IGFBP7: variants seen among roughly 807,000 people sequenced by gnomAD.
IGFBP7 encodes insulin-like growth factor-binding protein 7.
IGFBP7 carries 31 observed loss-of-function variants against 29.4 expected under a neutral mutation model. The observed-to-expected ratio is 1.05, with a 90% confidence interval of 0.79 to 1.42. IGFBP7 has a LOEUF of 1.42. Ranked by LOEUF, IGFBP7 falls within the 40% of genes most tolerant of loss-of-function variation. The pLI is 0.00. For synonymous variants in IGFBP7, 172 were observed against 174.9 expected (o/e 0.98, Z 0.13); for missense variants, 393 against 395.5 (o/e 0.99, Z 0.05).
intron 1 of IGFBP7, among the ~76,000 whole-genome samples, chr4:57,094,367 G>A (rs1302888210): frequency 6.6e-6 from 1 of 152,174 alleles, no homozygotes; most frequent in Non-Finnish European, 1.5e-5. Context: ...GTGGTTGTGG[G>A]GAGGGTGTGG....
At chr4:57,056,273 C>T (rs1724670665) in intron 1 of IGFBP7, among the ~76,000 whole-genome samples, 3 of 152,268 alleles carry the variant, frequency 2.0e-5, no homozygotes, top group South Asian at 4.1e-4. Flanking sequence ...AGCAGGATTT[C>T]GTGTTTCTTC....
rs1469692412 is a variant in IGFBP7 at position 57,031,164 on chromosome 4, G to A, written c.*153C>T. ...ATAAATTTTTGTAGATAGTCTTGAT[G>A]TGTGATCTTTATTTTGTATTTCTCT... On this transcript the variant is annotated 3_prime_UTR_variant, in exon 5 of 5. Transcript: ENST00000295666. The A allele has an allele frequency of 2.6e-6, 2 of 759,902 alleles. No individual in the cohort carries two copies. Among genetic ancestry groups the A allele is most frequent in the South Asian group, 1.6e-5 (1 of 61,832 alleles). 47.1% of individuals were successfully genotyped at this position (759,902 alleles called of 1,614,324 possible).
rs575900565 is a variant in IGFBP7 at position 57,051,715 on chromosome 4, C to T, written c.476-10782G>A. Among the ~76,000 whole-genome samples the T allele has an allele frequency of 6.6e-5, 10 of 152,308 alleles. No individual in the cohort carries two copies. The South Asian group carries it at 1.7e-3, about 25-fold the overall frequency. ...GCTCTACCACTCCTGAGTTATGCAACATTGCACAAGTTATTTCACTTCCCC... is the reference window on the plus strand; with the variant it reads ...GCTCTACCACTCCTGAGTTATGCAATATTGCACAAGTTATTTCACTTCCCC... On this transcript the variant is annotated intron_variant, in intron 1 of 4. Transcript: ENST00000295666.
chr4:57,031,305 T>C lies in IGFBP7; in HGVS notation c.*12A>G, dbSNP rs1023197283. ...TACTTTTAACCATGCAGACTAATAA[T>C]ATTCTGGAGGTTTATAGCTCGGCAC... On this transcript the variant is annotated 3_prime_UTR_variant, in exon 5 of 5. Coordinates refer to ENST00000295666, the MANE Select transcript of IGFBP7 (RefSeq NM_001553.3). 4.4e-6 allele frequency: 7 copies of C among 1,602,054 alleles called. No homozygotes were observed. In the Admixed American group the frequency reaches 6.7e-5, roughly 15 times the overall value.
chr4:57,055,469 G>T (rs898088294), intron 1 of IGFBP7, among the ~76,000 whole-genome samples: 2 of 152,192 alleles, frequency 1.3e-5, no homozygotes, highest in African/African-American at 4.8e-5. Flanking sequence ...CAGATTAGAA[G>T]AAATTATGTT....
At chr4:57,032,801 G>T (rs1723970369) in intron 3 of IGFBP7, among the ~76,000 whole-genome samples, 1 of 152,144 alleles carries the variant, frequency 6.6e-6, no homozygotes, top group African/African-American at 2.4e-5. Flanking sequence ...AACTGGATAG[G>T]TACACATTAT....
intron 1 of IGFBP7, among the ~76,000 whole-genome samples, chr4:57,077,802 C>T (rs985430622): frequency 1.3e-5 from 2 of 152,158 alleles, no homozygotes; most frequent in African/African-American, 4.8e-5. Flanking sequence ...CCAGGTGATG[C>T]TGGCTAAATG....
chr4:57,072,641 T>C (rs956947377), intron 1 of IGFBP7: 5 of 194,932 alleles, frequency 2.6e-5, no homozygotes, highest in Admixed American at 8.9e-5. Context: ...CCAGCGTTGC[T>C]GCTGCCTAGC....
chr4:57,051,970 C>T (rs1718881), intron 1 of IGFBP7, among the ~76,000 whole-genome samples: 137,186 of 152,152 alleles, frequency 0.9, 61,945 homozygotes, highest in South Asian at 0.95. Context: ...AGTGAGCATG[C>T]GGGCCAGCTC....
chr4:57,048,242 G>T (rs1013862721), intron 1 of IGFBP7, among the ~76,000 whole-genome samples: 3 of 151,596 alleles, frequency 2.0e-5, no homozygotes, highest in African/African-American at 7.3e-5. Flanking sequence ...TAGTAGAGAC[G>T]GGGTGACCGT....
chr4:57,052,284 G>T (rs534694155), intron 1 of IGFBP7, among the ~76,000 whole-genome samples: 6 of 152,174 alleles, frequency 3.9e-5, no homozygotes, highest in Non-Finnish European at 2.9e-5. Context: ...AGCCTCAAAG[G>T]TTCCAGGAGG....
At chr4:57,035,453 A>G (rs1724059145) in intron 2 of IGFBP7, among the ~76,000 whole-genome samples, 1 of 152,012 alleles carries the variant, frequency 6.6e-6, no homozygotes, top group African/African-American at 2.4e-5. Context: ...GTTGTTAAGT[A>G]TGTGTTTTCT....
intron 1 of IGFBP7, among the ~76,000 whole-genome samples, chr4:57,046,259 G>A (rs570290625): frequency 2.0e-5 from 3 of 152,110 alleles, no homozygotes; most frequent in Non-Finnish European, 4.4e-5. Context: ...ACATTCCATT[G>A]ATCAGCAATT....
intron 1 of IGFBP7, among the ~76,000 whole-genome samples, chr4:57,061,303 C>A (rs949548595): frequency 1.3e-5 from 2 of 152,008 alleles, no homozygotes; most frequent in African/African-American, 4.8e-5. Flanking sequence ...TATATTAATA[C>A]TATGTTTTTT....
At chr4:57,098,263 G>A (rs1468754060) in intron 1 of IGFBP7, among the ~76,000 whole-genome samples, 2 of 152,186 alleles carry the variant, frequency 1.3e-5, no homozygotes, top group Non-Finnish European at 1.5e-5. Flanking sequence ...GCCAAGCTCT[G>A]TAACTAAGAA....
chr4:57,108,948 G>C (rs1436466248), intron 1 of IGFBP7, among the ~76,000 whole-genome samples: 1 of 152,132 alleles, frequency 6.6e-6, no homozygotes, highest in Non-Finnish European at 1.5e-5. Flanking sequence ...GTATCCTGGG[G>C]ACAAATTATG....
At chr4:57,086,459 T>A (rs1233510853) in intron 1 of IGFBP7, among the ~76,000 whole-genome samples, 1 of 152,198 alleles carries the variant, frequency 6.6e-6, no homozygotes, top group African/African-American at 2.4e-5. Flanking sequence ...GAAAACCTGT[T>A]GGCTATGTTG....
chr4:57,040,954 C>A (rs756625013), intron 1 of IGFBP7, 21 bp from the exon 2 acceptor site: 1 of 1,499,672 alleles, frequency 6.7e-7, no homozygotes, highest in Admixed American at 1.7e-5. Context: ...GGGCACAAAG[C>A]CAAAGTCATC....
At position 57,046,137 on chromosome 4, in the gene IGFBP7, G is replaced by A. The variant is rs574935110; in HGVS notation, c.476-5204C>T. On this transcript the variant is annotated intron_variant, in intron 1 of 4. Transcript: ENST00000295666. ...ATGGTGACCCACAGGGACACCAAGA[G>A]GACAAGTCTTGTATAGAAGAGAAGA... 1.4e-4 allele frequency among the ~76,000 whole-genome samples: 21 copies of A among 152,238 alleles called. No homozygotes were observed. In the East Asian group the frequency reaches 3.9e-3, roughly 28 times the overall value.
Sources: allele counts gnomAD v4.1 joint callset (sites outside exome capture counted in the v4.1 genomes callset), GRCh38; gene constraint gnomAD v4.1.1; transcripts MANE v1.5; gene names NCBI Gene and HGNC (gene_info 2026-07-23, HGNC 2026-07-21).